NPHS2: variants seen among roughly 807,000 people sequenced by gnomAD.
The protein encoded by NPHS2 is podocin.
In NPHS2, 36 loss-of-function variants were observed where a neutral mutation model predicts 37.1. That is an observed-to-expected ratio of 0.97 (90% CI 0.74 to 1.28). NPHS2 has a LOEUF of 1.28. Ranked by LOEUF, NPHS2 falls within the 50% of genes most tolerant of loss-of-function variation. NPHS2 has a pLI of 0.00. For synonymous variants in NPHS2, 196 were observed against 189.3 expected, an observed-to-expected ratio of 1.04 and a Z score of -0.29; for missense variants, 447 against 488.1, an observed-to-expected ratio of 0.92 and a Z score of 0.79.
chr1:179,560,834 C>A (rs1312051199), intron 3 of NPHS2, among the ~76,000 whole-genome samples: 2 of 152,194 alleles, frequency 1.3e-5, no homozygotes, highest in African/African-American at 4.8e-5. Context: ...GTCTGAGCCA[C>A]AAGAAATGCT....
chr1:179,568,858 G>T (rs59777886), intron 1 of NPHS2, among the ~76,000 whole-genome samples: 1 of 152,198 alleles, frequency 6.6e-6, no homozygotes, highest in Non-Finnish European at 1.5e-5. Context: ...TAGTTGTGTG[G>T]TTTTGAGTGA....
chr1:179,564,905 G>T (rs542844638), intron 1 of NPHS2, 112 bp from the exon 2 acceptor site: 7 of 849,882 alleles, frequency 8.2e-6, no homozygotes, highest in African/African-American at 6.7e-5. Context: ...TGGAGACTTT[G>T]CTGGAAATAT....
At chr1:179,563,239 T>A (rs1674213153) in intron 2 of NPHS2, among the ~76,000 whole-genome samples, 1 of 152,184 alleles carries the variant, frequency 6.6e-6, no homozygotes, top group Non-Finnish European at 1.5e-5. Context: ...AGTGGGACAT[T>A]GTATAATGAT....
At chr1:179,569,234 C>T (rs899042521) in intron 1 of NPHS2, among the ~76,000 whole-genome samples, 7 of 152,026 alleles carry the variant, frequency 4.6e-5, no homozygotes, top group African/African-American at 1.7e-4. Context: ...TCTGGGTGCT[C>T]CTGTATTGGG....
chr1:179,568,676 T>A (rs924095476), intron 1 of NPHS2, among the ~76,000 whole-genome samples: 1 of 152,236 alleles, frequency 6.6e-6, no homozygotes, highest in Non-Finnish European at 1.5e-5. Context: ...CTGGTTTCTC[T>A]TGTGGGCATT....
At position 179,550,969 on chromosome 1, in the gene NPHS2, G is replaced by A. The variant is rs1483854579; in HGVS notation, c.*204C>T. The A allele has an allele frequency of 4.7e-6, 3 of 641,874 alleles. No homozygotes were observed. Among genetic ancestry groups the A allele is most frequent in the Admixed American group, 2.6e-5 (1 of 38,566 alleles). 39.8% of individuals were successfully genotyped at this position (641,874 alleles called of 1,614,324 possible). ...TCCCATAATTGCTCTGACTAGATGA[G>A]TCACGGAAACATGTTGTCTGCCTTC... On this transcript the variant is annotated 3_prime_UTR_variant, in exon 8 of 8. Transcript: ENST00000367615.
intron 6 of NPHS2, among the ~76,000 whole-genome samples, 175 bp downstream of exon 6, chr1:179,554,301 T>A (rs1191074253): frequency 6.6e-6 from 1 of 152,256 alleles, no homozygotes. Flanking sequence ...GTCCAAATGT[T>A]ATAGTGATTG....
intron 1 of NPHS2, among the ~76,000 whole-genome samples, chr1:179,570,812 T>A (rs531211721): frequency 6.6e-5 from 10 of 152,380 alleles, no homozygotes; most frequent in African/African-American, 1.9e-4. Flanking sequence ...TTCATTAATT[T>A]GATCTTCAGT....
At position 179,557,142 on chromosome 1, in the gene NPHS2, G is replaced by A; in HGVS notation, c.623C>T (p.Ala208Val). The change falls in exon 5 of 8, where the codon GCT becomes GTT. Residue 208 changes from alanine to valine, a missense_variant. By Grantham distance (64) the Ala-to-Val change is moderately conservative (BLOSUM62 0). Coordinates refer to ENST00000367615, the MANE Select transcript of NPHS2 (RefSeq NM_014625.4). ...ENASLLLSSLAHVSKAVQFLV... is the reference protein window; with the variant it reads ...ENASLLLSSLVHVSKAVQFLV... The stretch of plus-strand genomic sequence containing the variant: ...GAATTGCACAGCTTTAGATACATGA[G>A]CAAGACTGCTTAGGAGAAGAGAGGC... 6.2e-7 allele frequency: 1 copy of A among 1,614,022 alleles called. No homozygotes were observed. Among genetic ancestry groups the A allele is most frequent in the Non-Finnish European group, 8.5e-7 (1 of 1,179,940 alleles).
chr1:179,555,374 T>C (rs1328598), intron 5 of NPHS2, among the ~76,000 whole-genome samples: 30,862 of 152,130 alleles, frequency 0.2, 3,812 homozygotes, highest in Non-Finnish European at 0.27. Flanking sequence ...CTCCTGCTTC[T>C]CAGTCCCATC....
intron 1 of NPHS2, among the ~76,000 whole-genome samples, chr1:179,566,947 A>T (rs927510787): frequency 2.6e-5 from 4 of 152,222 alleles, no homozygotes; most frequent in Non-Finnish European, 5.9e-5. Context: ...TAGCAATACC[A>T]TGCTGTTTTG....
Position 179,575,731 on chromosome 1 carries a change from G to T in NPHS2, c.134C>A (p.Pro45Gln). Residue 45 changes from proline to glutamine, a missense_variant, in exon 1 of 8, where the codon CCG becomes CAG. Coordinates refer to ENST00000367615, the MANE Select transcript of NPHS2 (RefSeq NM_014625.4). ...GGTCCCCGCCCGTCCGGAGCCCGAC[G>T]GCTCGGGCCCAGCCTCCTGGCGCCC... The part of the protein sequence containing the change: ...GRGRQEAGPE[P>Q]SGSGRAGTPG... The T allele has an allele frequency of 1.3e-6, 2 of 1,534,818 alleles. No homozygotes were observed. The highest frequency in any genetic ancestry group is 1.4e-5 in the African/African-American group (1 of 72,548).
chr1:179,551,275 CA>C lies in NPHS2; in HGVS notation c.1049del (p.Leu350ArgfsTer24), dbSNP rs1168903863. The C allele has an allele frequency of 6.2e-7, 1 of 1,614,062 alleles. No individual in the cohort carries two copies. The highest frequency in any genetic ancestry group is 2.2e-5 in the East Asian group (1 of 44,866). The stretch of plus-strand genomic sequence containing the variant: ...CCTGAGTTCTGTTGCTGGGAGAAGA[CA>C]GGCAATTCAGTAGGTCAAATGGCAA... ...LPLPFDLLNC[L>X]SSPSNRTQGS... On this transcript the variant is annotated frameshift_variant, in exon 8 of 8. Transcript: ENST00000367615. LOFTEE classifies it high-confidence loss of function.
intron 1 of NPHS2, 22 bp from the exon 2 acceptor site, chr1:179,564,815 G>T (rs554241572): frequency 6.3e-7 from 1 of 1,579,294 alleles, no homozygotes; most frequent in African/African-American, 1.3e-5. Flanking sequence ...TAAAGCAAAA[G>T]AATAATTATA....
intron 1 of NPHS2, among the ~76,000 whole-genome samples, chr1:179,571,143 C>T (rs766539537): frequency 1.2e-4 from 19 of 152,152 alleles, no homozygotes; most frequent in Non-Finnish European, 1.5e-4. Flanking sequence ...TTAGAAGAGG[C>T]GCTCTGATTT....
chr1:179,567,493 A>C (rs754124326), intron 1 of NPHS2, among the ~76,000 whole-genome samples: 8 of 152,294 alleles, frequency 5.3e-5, no homozygotes, highest in African/African-American at 1.7e-4. Flanking sequence ...TTCTAAATAT[A>C]CAATCTTGTC....
chr1:179,562,115 A>T (rs939381036), intron 2 of NPHS2, among the ~76,000 whole-genome samples: 3 of 152,118 alleles, frequency 2.0e-5, no homozygotes, highest in African/African-American at 7.2e-5. Context: ...CCTCAATTGG[A>T]TTTTAATTTG....
chr1:179,564,289 C>T (rs991976233), intron 2 of NPHS2, among the ~76,000 whole-genome samples: 4 of 152,198 alleles, frequency 2.6e-5, no homozygotes, highest in African/African-American at 9.7e-5. Context: ...CATCTGTAAC[C>T]ACCTGTGGGC....
intron 7 of NPHS2, chr1:179,552,075 C>G (rs1673364137): frequency 1.2e-5 from 2 of 168,034 alleles, no homozygotes; most frequent in African/African-American, 4.8e-5. Context: ...TCCCAAGGCC[C>G]CCTCACCCAC....
Sources: allele counts gnomAD v4.1 joint callset (sites outside exome capture counted in the v4.1 genomes callset), GRCh38; gene constraint gnomAD v4.1.1; transcripts MANE v1.5; gene names NCBI Gene and HGNC (gene_info 2026-07-23, HGNC 2026-07-21).